ATP8A2: variants seen among roughly 807,000 people sequenced by gnomAD.
ATP8A2 encodes phospholipid-transporting ATPase IB.
In ATP8A2, 100 loss-of-function variants were observed where a neutral mutation model predicts 165.6. The ratio of observed to expected loss-of-function variants is 0.60; its 90% confidence interval spans 0.51 to 0.71. The LOEUF (loss-of-function observed/expected upper bound fraction) is 0.71. Ranked by LOEUF, ATP8A2 falls within the 30% of genes least tolerant of loss-of-function variation. The pLI is 0.00. For synonymous variants in ATP8A2, 543 were observed against 548.8 expected, an observed-to-expected ratio of 0.99 and a Z score of 0.15; for missense variants, 1,227 against 1,479.5, an observed-to-expected ratio of 0.83 and a Z score of 2.80.
chr13:25,566,367 T>C (rs1435044247), intron 16 of ATP8A2, among the ~76,000 whole-genome samples: 2 of 151,888 alleles, frequency 1.3e-5, no homozygotes, highest in Non-Finnish European at 2.9e-5. Flanking sequence ...CTCTGAAGAA[T>C]CGTCTCTGCA....
intron 24 of ATP8A2, among the ~76,000 whole-genome samples, chr13:25,672,695 C>T (rs182848691): frequency 1.2e-4 from 18 of 152,244 alleles, no homozygotes; most frequent in Admixed American, 7.2e-4. Context: ...TGGCTTTACT[C>T]CTTTTGGAGT....
intron 20 of ATP8A2, among the ~76,000 whole-genome samples, chr13:25,578,076 C>G (rs771918298): frequency 5.9e-5 from 9 of 152,100 alleles, no homozygotes; most frequent in Non-Finnish European, 1.3e-4. Flanking sequence ...CCATTGTGTT[C>G]TAAGTACCAC....
chr13:25,450,656 C>T (rs1043630189), intron 1 of ATP8A2, among the ~76,000 whole-genome samples: 8 of 152,070 alleles, frequency 5.3e-5, no homozygotes, highest in African/African-American at 1.4e-4. Context: ...TTCAGCCTCC[C>T]GAGTAGCTGG....
At chr13:25,943,953 C>A (rs1955141340) in intron 33 of ATP8A2, among the ~76,000 whole-genome samples, 1 of 152,118 alleles carries the variant, frequency 6.6e-6, no homozygotes, top group Admixed American at 6.5e-5. Context: ...GGAAACAGTC[C>A]AGTTATTACG....
At chr13:25,990,300 A>G (rs966229181) in intron 35 of ATP8A2, among the ~76,000 whole-genome samples, 4 of 148,358 alleles carry the variant, frequency 2.7e-5, no homozygotes, top group Non-Finnish European at 5.9e-5. Context: ...TCCTGCCCTC[A>G]TAGAACTTAC....
chr13:25,966,314 C>G (rs965054373), intron 34 of ATP8A2, among the ~76,000 whole-genome samples: 1 of 152,242 alleles, frequency 6.6e-6, no homozygotes, highest in South Asian at 2.1e-4. Context: ...CAAACGCCAG[C>G]TCCTGGTAAG....
intron 35 of ATP8A2, among the ~76,000 whole-genome samples, chr13:26,010,890 A>G (rs910338510): frequency 5.9e-5 from 9 of 152,198 alleles, no homozygotes; most frequent in Admixed American, 4.6e-4. Context: ...TTGTTATTTC[A>G]ACCAAGGCAC....
intron 27 of ATP8A2, among the ~76,000 whole-genome samples, chr13:25,823,120 G>A (rs1951222555): frequency 6.6e-6 from 1 of 152,236 alleles, no homozygotes; most frequent in South Asian, 2.1e-4. Flanking sequence ...AGGAGATGCA[G>A]TGTTGTCAGA....
intron 27 of ATP8A2, among the ~76,000 whole-genome samples, chr13:25,810,530 A>G (rs964148599): frequency 6.6e-6 from 1 of 151,886 alleles, no homozygotes; most frequent in Non-Finnish European, 1.5e-5. Context: ...TTTAAGGAAA[A>G]AAAAAACAAA....
chr13:25,539,567 C>G (rs2038404138), intron 7 of ATP8A2, among the ~76,000 whole-genome samples: 1 of 152,068 alleles, frequency 6.6e-6, no homozygotes. Context: ...CCTGGATAGC[C>G]TTCTTTTGTA....
chr13:25,571,651 G>A lies in ATP8A2; in HGVS notation c.1621G>A (p.Val541Ile). The A allele has an allele frequency of 6.2e-7, 1 of 1,614,096 alleles. No homozygotes were observed. The highest frequency in any genetic ancestry group is 8.5e-7 in the Non-Finnish European group (1 of 1,179,994). The change falls in exon 18 of 37, where the codon GTC (valine) becomes ATC (isoleucine). Residue 541 changes from valine to isoleucine, a missense_variant. By Grantham distance (29) the Val-to-Ile change is conservative. Around this residue, in one of 5 missense-constraint regions of ATP8A2, gnomAD observed 592 missense variants for 785.6 expected, o/e 0.75. Coordinates refer to ENST00000381655, the MANE Select transcript of ATP8A2 (RefSeq NM_016529.6). ...LVKGAKKLGF[V>I]FTARTPFSVI... ...GAAAGGAGCTAAAAAGCTGGGCTTT[G>A]TCTTCACAGCCAGAACACCATTCTC...
At position 25,968,660 on chromosome 13, in the gene ATP8A2, C is replaced by A. The variant is rs576337442; in HGVS notation, c.3358C>A (p.Arg1120=). 7.4e-6 allele frequency: 12 copies of A among 1,613,308 alleles called. No homozygotes were observed. The highest frequency in any genetic ancestry group is 1.7e-4 in the Middle Eastern group (1 of 6,060). ...KSRVLGKAVL[R]DSNGKRLNER... Reference sequence around the variant, plus strand: ...TCGAGTCCTGGGAAAAGCGGTGCTGCGGGATAGCAATGGAAAGAGGTGGGG... The same window carrying A: ...TCGAGTCCTGGGAAAAGCGGTGCTGAGGGATAGCAATGGAAAGAGGTGGGG... The change falls in exon 35 of 37, where the codon CGG becomes AGG. Residue 1120 remains arginine (R), a synonymous_variant. Coordinates refer to ENST00000381655, the MANE Select transcript of ATP8A2 (RefSeq NM_016529.6).
chr13:25,440,924 G>A (rs1372449369), intron 1 of ATP8A2, among the ~76,000 whole-genome samples: 1 of 152,100 alleles, frequency 6.6e-6, no homozygotes, highest in Non-Finnish European at 1.5e-5. Flanking sequence ...AAATTATTTA[G>A]ATGAATACTT....
At chr13:25,689,221 A>G (rs2042671009) in intron 24 of ATP8A2, among the ~76,000 whole-genome samples, 2 of 152,226 alleles carry the variant, frequency 1.3e-5, no homozygotes, top group Admixed American at 6.5e-5. Flanking sequence ...GTGTTTTAAG[A>G]AACTGGTTTT....
intron 1 of ATP8A2, among the ~76,000 whole-genome samples, chr13:25,443,677 TG>T (rs2034993304): frequency 6.6e-6 from 1 of 152,256 alleles, no homozygotes; most frequent in Non-Finnish European, 1.5e-5. Context: ...TGGGATTTTT[TG>T]TTCTTTACTT....
intron 30 of ATP8A2, among the ~76,000 whole-genome samples, chr13:25,855,024 G>T (rs1952117526): frequency 6.6e-6 from 1 of 152,138 alleles, no homozygotes. Flanking sequence ...GCTAAGGCAG[G>T]TGGATCACCT....
At chr13:25,669,011 T>C (rs1275292655) in intron 24 of ATP8A2, among the ~76,000 whole-genome samples, 2 of 152,236 alleles carry the variant, frequency 1.3e-5, no homozygotes, top group Admixed American at 6.5e-5. Context: ...AAAGTTGTTG[T>C]CTAGTAAGCC....
chr13:25,864,448 G>A (rs1952448127), intron 33 of ATP8A2, among the ~76,000 whole-genome samples: 1 of 152,108 alleles, frequency 6.6e-6, no homozygotes, highest in Non-Finnish European at 1.5e-5. Context: ...TGATCATGCA[G>A]CTACTAAGGT....
At chr13:25,594,518 C>T (rs2040181865) in intron 24 of ATP8A2, among the ~76,000 whole-genome samples, 1 of 152,054 alleles carries the variant, frequency 6.6e-6, no homozygotes, top group South Asian at 2.1e-4. Flanking sequence ...TTTTGGTGCA[C>T]CCATCACCCG....
Sources: allele counts gnomAD v4.1 joint callset (sites outside exome capture counted in the v4.1 genomes callset), GRCh38; gene constraint gnomAD v4.1.1; regional missense constraint gnomAD v4.1.1; transcripts MANE v1.5; gene names NCBI Gene and HGNC (gene_info 2026-07-23, HGNC 2026-07-21).